Variants in GRIK2 observed in about 807,000 individuals in gnomAD.
GRIK2 encodes glutamate receptor ionotropic, kainate 2.
A neutral mutation model predicts 100.3 loss-of-function variants in GRIK2; 32 were observed. The observed-to-expected ratio is 0.32, with a 90% CI of 0.24 to 0.43. GRIK2 has a LOEUF of 0.43. Among genes scored for constraint, GRIK2 ranks in the 20% least tolerant of loss-of-function variants. GRIK2 has a pLI of 1.00. For missense variants in GRIK2, 843 were observed against 1,114.9 expected (o/e 0.76, Z 3.47); for synonymous variants, 417 against 389.4 (o/e 1.07, Z -0.83).
chr6:102,066,002 A>G, intron 16 of GRIK2: 2 of 758,008 alleles, frequency 2.6e-6, no homozygotes, highest in Admixed American at 3.8e-5. Context: ...TTTAATAGAA[A>G]TATAATTCAT....
intron 2 of GRIK2, among the ~76,000 whole-genome samples, chr6:101,439,545 A>T (rs1487875625): frequency 6.6e-6 from 1 of 152,184 alleles, no homozygotes; most frequent in Non-Finnish European, 1.5e-5. Flanking sequence ...TTAGGGACTT[A>T]AAGCCATGAT....
intron 2 of GRIK2, chr6:101,620,361 T>A (rs76114738): frequency 2.2e-3 from 365 of 162,484 alleles, no homozygotes; most frequent in African/African-American, 8.2e-3. Flanking sequence ...ATTTCACAAG[T>A]TGATTGTTTT....
chr6:101,784,635 C>T (rs1010651093), intron 7 of GRIK2, among the ~76,000 whole-genome samples: 2 of 152,088 alleles, frequency 1.3e-5, no homozygotes, highest in African/African-American at 2.4e-5. Flanking sequence ...AGGGAGAGAC[C>T]TGGTGGGAGG....
intron 14 of GRIK2, among the ~76,000 whole-genome samples, chr6:101,991,723 G>T (rs1260949393): frequency 6.6e-6 from 1 of 151,354 alleles, no homozygotes; most frequent in East Asian, 1.9e-4. Context: ...TCAGTAGTAA[G>T]AAAAAAGAAA....
intron 14 of GRIK2, among the ~76,000 whole-genome samples, chr6:101,968,007 C>T (rs777816356): frequency 3.3e-5 from 5 of 149,696 alleles, no homozygotes; most frequent in Non-Finnish European, 7.4e-5. Context: ...GTTCTATTGA[C>T]GCTTGAGATT....
chr6:101,407,211 T>C (rs1314503738), intron 2 of GRIK2, among the ~76,000 whole-genome samples: 2 of 152,110 alleles, frequency 1.3e-5, no homozygotes, highest in Admixed American at 1.3e-4. Flanking sequence ...TTTTAGTACA[T>C]TCGGGTCCTT....
At position 101,841,400 on chromosome 6, in the gene GRIK2, G is replaced by C. The variant is rs532263362; in HGVS notation, c.1318-17887G>C. Among the ~76,000 whole-genome samples, 3 of 149,100 alleles carry C rather than the reference G, an allele frequency of 2.0e-5. No individual in the cohort carries two copies. The East Asian group carries it at 6.1e-4, about 30-fold the overall frequency. On this transcript the variant is annotated intron_variant, in intron 10 of 16. Coordinates refer to ENST00000369134, the MANE Select transcript of GRIK2 (RefSeq NM_021956.5). The stretch of plus-strand genomic sequence containing the variant: ...TTTTTTTGGTACGGTTTCTCTCTCT[G>C]TTGCCCAGGCTAGAGTGCAGTGGAG...
intron 14 of GRIK2, among the ~76,000 whole-genome samples, chr6:101,971,237 A>T (rs1793031329): frequency 6.6e-6 from 1 of 152,040 alleles, no homozygotes; most frequent in Non-Finnish European, 1.5e-5. Context: ...TCCTGTTGTT[A>T]TATTATTTAG....
intron 2 of GRIK2, among the ~76,000 whole-genome samples, chr6:101,621,499 G>A (rs975214859): frequency 6.6e-6 from 1 of 151,906 alleles, no homozygotes; most frequent in African/African-American, 2.4e-5. Context: ...GAATGGAGAC[G>A]GAATTTAACA....
chr6:101,943,651 G>T (rs1791094831), intron 14 of GRIK2, among the ~76,000 whole-genome samples: 1 of 152,204 alleles, frequency 6.6e-6, no homozygotes, highest in African/African-American at 2.4e-5. Context: ...TTTAATGACT[G>T]CCCTACTGGA....
At chr6:101,603,558 A>G (rs545438792) in intron 2 of GRIK2, among the ~76,000 whole-genome samples, 14 of 151,850 alleles carry the variant, frequency 9.2e-5, no homozygotes, top group African/African-American at 3.1e-4. Context: ...CAAAGTCTGA[A>G]TATAATTTTA....
At chr6:101,889,605 CTT>C (rs2243354) in intron 11 of GRIK2, 33 bp from the exon 12 acceptor site, 7,669 of 688,742 alleles carry the variant, frequency 0.011, no homozygotes, top group Non-Finnish European at 0.013. Context: ...TTCTTTCTTT[CTT>C]TTTTTTTTTT....
chr6:101,841,667 A>G (rs1243406270), intron 10 of GRIK2, among the ~76,000 whole-genome samples: 7 of 152,134 alleles, frequency 4.6e-5, no homozygotes, highest in Admixed American at 4.6e-4. Context: ...CCCAGCCTGC[A>G]GAAAGATTTT....
At chr6:101,905,926 A>T (rs1169337134) in intron 12 of GRIK2, among the ~76,000 whole-genome samples, 1 of 151,636 alleles carries the variant, frequency 6.6e-6, no homozygotes, top group Non-Finnish European at 1.5e-5. Context: ...GACTTTATGA[A>T]TAAATATTCT....
intron 14 of GRIK2, among the ~76,000 whole-genome samples, chr6:101,950,428 A>G (rs1791539240): frequency 6.6e-6 from 1 of 152,192 alleles, no homozygotes; most frequent in South Asian, 2.1e-4. Context: ...TTTGTAGTCC[A>G]GTTATCAATC....
chr6:101,790,602 G>A (rs546190821), intron 7 of GRIK2, among the ~76,000 whole-genome samples: 2,781 of 140,780 alleles, frequency 0.02, 77 homozygotes, highest in African/African-American at 0.07. Context: ...TGCTGGATTC[G>A]GTTTGCCAGT....
At chr6:101,824,929 C>T (rs1020876878) in intron 10 of GRIK2, among the ~76,000 whole-genome samples, 3 of 152,028 alleles carry the variant, frequency 2.0e-5, no homozygotes, top group Non-Finnish European at 2.9e-5. Flanking sequence ...CCGAATTATC[C>T]CCTAAGTGGT....
chr6:101,851,198 G>T (rs1462500598), intron 10 of GRIK2, among the ~76,000 whole-genome samples: 1 of 151,996 alleles, frequency 6.6e-6, no homozygotes, highest in African/African-American at 2.4e-5. Context: ...ATCTCAGAGG[G>T]ATCAACAAAT....
At chr6:101,991,513 T>TA (rs1305874904) in intron 14 of GRIK2, among the ~76,000 whole-genome samples, 2 of 151,196 alleles carry the variant, frequency 1.3e-5, no homozygotes, top group Non-Finnish European at 3.0e-5. Flanking sequence ...TAGGTTTTTA[T>TA]GTTAGCAAAA....
Sources: gnomAD v4.1 joint callset for allele counts (sites outside exome capture counted in the v4.1 genomes callset) on GRCh38, gnomAD v4.1.1 for gene constraint, MANE v1.5 for transcripts, NCBI Gene and HGNC (gene_info 2026-07-23, HGNC 2026-07-21) for gene names.